The following SLC25A21 variants were observed in gnomAD, a reference collection of about 807,000 sequenced individuals.
SLC25A21 encodes the protein solute carrier family 25 member 21.
In SLC25A21, 47 loss-of-function variants were observed where a neutral mutation model predicts 43.8. The ratio of observed to expected loss-of-function variants is 1.07; its 90% confidence interval spans 0.85 to 1.37. The LOEUF (loss-of-function observed/expected upper bound fraction) is 1.37. Ranked by LOEUF, SLC25A21 falls within the 40% of genes most tolerant of loss-of-function variation. SLC25A21 has a pLI of 0.00. For synonymous variants in SLC25A21, 131 were observed against 121.3 expected (o/e 1.08, Z -0.52); for missense variants, 352 against 350.2 (o/e 1.00, Z -0.04).
At chr14:36,987,172 T>C (rs139575308) in intron 1 of SLC25A21, among the ~76,000 whole-genome samples, 3 of 152,158 alleles carry the variant, frequency 2.0e-5, no homozygotes, top group African/African-American at 7.2e-5. Flanking sequence ...ATTCCTTTCA[T>C]CCAGTTCCTT....
chr14:37,116,106 A>C (rs913775906), intron 1 of SLC25A21, among the ~76,000 whole-genome samples: 1 of 152,190 alleles, frequency 6.6e-6, no homozygotes, highest in Non-Finnish European at 1.5e-5. Flanking sequence ...AAAAAAAACA[A>C]CTAAAACTTA....
At chr14:36,800,809 T>A (rs930608162) in intron 3 of SLC25A21, among the ~76,000 whole-genome samples, 2 of 152,226 alleles carry the variant, frequency 1.3e-5, no homozygotes, top group African/African-American at 2.4e-5. Context: ...AAAATTTGAA[T>A]GACTTATTGT....
At chr14:37,166,884 T>C (rs1164703357) in intron 1 of SLC25A21, among the ~76,000 whole-genome samples, 1 of 152,240 alleles carries the variant, frequency 6.6e-6, no homozygotes, top group Non-Finnish European at 1.5e-5. Context: ...ATCTCACCAG[T>C]TACCTTCTAA....
chr14:37,007,472 G>C (rs1007948935), intron 1 of SLC25A21, among the ~76,000 whole-genome samples: 2 of 151,882 alleles, frequency 1.3e-5, no homozygotes. Context: ...CCATGGTAGC[G>C]ATTGCCTGTA....
chr14:36,688,002 A>T (rs1882628360), intron 7 of SLC25A21, among the ~76,000 whole-genome samples: 1 of 152,092 alleles, frequency 6.6e-6, no homozygotes, highest in African/African-American at 2.4e-5. Flanking sequence ...CACCCACTAT[A>T]TGCTTCCAAC....
rs143661159 is a variant in SLC25A21 at position 36,862,303 on chromosome 14, T to G, written c.119+12653A>C. Among the ~76,000 whole-genome samples the G allele has an allele frequency of 3.3e-3, 500 of 152,312 alleles. 3 individuals are homozygous for G. Among genetic ancestry groups the G allele is most frequent in the African/African-American group, 0.011 (468 of 41,556 alleles). ...GAAATCATTCTACTATAAAGACACA[T>G]GCACATGTATGTTTATTGCAGCATT... On this transcript the variant is annotated intron_variant, in intron 2 of 9. Transcript: ENST00000331299.
At chr14:37,102,783 C>A (rs1422758463) in intron 1 of SLC25A21, among the ~76,000 whole-genome samples, 3 of 151,854 alleles carry the variant, frequency 2.0e-5, no homozygotes, top group Non-Finnish European at 2.9e-5. Flanking sequence ...GTCAGGAGTT[C>A]AAGACCAGCC....
At chr14:36,843,938 A>T (rs1175177747) in intron 2 of SLC25A21, among the ~76,000 whole-genome samples, 1 of 152,162 alleles carries the variant, frequency 6.6e-6, no homozygotes, top group African/African-American at 2.4e-5. Context: ...CAAGACATTG[A>T]CCTGTTTGAA....
intron 1 of SLC25A21, among the ~76,000 whole-genome samples, chr14:37,093,611 G>A (rs1170680078): frequency 6.6e-6 from 1 of 152,072 alleles, no homozygotes; most frequent in African/African-American, 2.4e-5. Context: ...AGCCCATTGT[G>A]GGCAAAATTC....
intron 2 of SLC25A21, among the ~76,000 whole-genome samples, chr14:36,823,455 A>G (rs1249255555): frequency 6.6e-6 from 1 of 152,184 alleles, no homozygotes; most frequent in East Asian, 1.9e-4. Context: ...ACATATTTAA[A>G]CTTCATATTT....
intron 3 of SLC25A21, among the ~76,000 whole-genome samples, chr14:36,789,652 C>T (rs1351579134): frequency 6.3e-5 from 9 of 142,144 alleles, no homozygotes; most frequent in African/African-American, 2.4e-4. Context: ...GCTTTTCATC[C>T]TGCCTATATA....
At chr14:37,081,637 G>A (rs1962390903) in intron 1 of SLC25A21, among the ~76,000 whole-genome samples, 1 of 152,114 alleles carries the variant, frequency 6.6e-6, no homozygotes, top group Admixed American at 6.5e-5. Flanking sequence ...TAACAGTTTT[G>A]TTGCTTTATA....
intron 1 of SLC25A21, among the ~76,000 whole-genome samples, chr14:37,110,078 T>C (rs1362014916): frequency 1.3e-5 from 2 of 152,196 alleles, no homozygotes; most frequent in African/African-American, 4.8e-5. Context: ...GACCTGTGCT[T>C]TCCATAAAGA....
chr14:36,877,951 T>C (rs1041889987), intron 1 of SLC25A21, among the ~76,000 whole-genome samples: 1 of 152,144 alleles, frequency 6.6e-6, no homozygotes, highest in Non-Finnish European at 1.5e-5. Context: ...ATGTACTCCA[T>C]GTTTATTGAA....
chr14:36,941,821 T>G (rs1174347266), intron 1 of SLC25A21, among the ~76,000 whole-genome samples: 2 of 152,026 alleles, frequency 1.3e-5, no homozygotes, highest in African/African-American at 4.8e-5. Flanking sequence ...TTAGAGGTTG[T>G]GTGAAAATAG....
chr14:36,744,078 T>C (rs759217995), intron 3 of SLC25A21, among the ~76,000 whole-genome samples: 7 of 152,124 alleles, frequency 4.6e-5, no homozygotes, highest in Non-Finnish European at 1.0e-4. Flanking sequence ...ACTCATCTAC[T>C]GGAAGAATCA....
chr14:37,032,359 C>A (rs10148351), intron 1 of SLC25A21, among the ~76,000 whole-genome samples: 70,829 of 151,564 alleles, frequency 0.47, 18,904 homozygotes, highest in African/African-American at 0.75. Flanking sequence ...CACGGTGAAA[C>A]CCTGTCTCTA....
chr14:37,087,734 C>T (rs1566871846), intron 1 of SLC25A21, among the ~76,000 whole-genome samples: 1 of 152,172 alleles, frequency 6.6e-6, no homozygotes, highest in Non-Finnish European at 1.5e-5. Flanking sequence ...AGAAAAGAGA[C>T]AACCATGAGT....
rs1195870053 is a variant in SLC25A21 at position 36,986,833 on chromosome 14, G to C, written c.71-111829C>G. Among the ~76,000 whole-genome samples, 8 of 152,202 alleles carry C rather than the reference G, an allele frequency of 5.3e-5. No individual in the cohort carries two copies. The East Asian group carries it at 1.4e-3, about 26-fold the overall frequency. ...CCCTGGGTCTTGGAATCCCAAGAAG[G>C]CTTTGAATATTGGGTTTATGATTTA... On this transcript the variant is annotated intron_variant, in intron 1 of 9. Transcript: ENST00000331299.
Sources: allele counts gnomAD v4.1 joint callset (sites outside exome capture counted in the v4.1 genomes callset), GRCh38; gene constraint gnomAD v4.1.1; transcripts MANE v1.5; gene names NCBI Gene and HGNC (gene_info 2026-07-23, HGNC 2026-07-21).